CAMK1G: variants seen among roughly 807,000 people sequenced by gnomAD.
CAMK1G encodes calcium/calmodulin dependent protein kinase IG.
A neutral mutation model predicts 54.8 loss-of-function variants in CAMK1G; 27 were observed. The ratio of observed to expected loss-of-function variants is 0.49; its 90% CI spans 0.36 to 0.68. CAMK1G has a LOEUF of 0.68. Ranked by LOEUF, CAMK1G falls within the 30% of genes least tolerant of loss-of-function variation. CAMK1G has a pLI of 0.00. For synonymous variants in CAMK1G, 238 were observed against 224.9 expected, an observed-to-expected ratio of 1.06 and a Z score of -0.52; for missense variants, 512 against 591.0, an observed-to-expected ratio of 0.87 and a Z score of 1.39.
At chr1:209,590,907 T>C (rs765449373) in intron 1 of CAMK1G, among the ~76,000 whole-genome samples, 1 of 152,082 alleles carries the variant, frequency 6.6e-6, no homozygotes, top group Non-Finnish European at 1.5e-5. Context: ...TCTTTAAACC[T>C]GATAAGATTA....
intron 2 of CAMK1G, 53 bp downstream of exon 2, chr1:209,595,128 T>C: frequency 7.9e-7 from 1 of 1,271,360 alleles, no homozygotes; most frequent in Non-Finnish European, 1.1e-6. Context: ...CAGTGGGAGG[T>C]TAGAAGAGTT....
intron 1 of CAMK1G, among the ~76,000 whole-genome samples, chr1:209,588,349 G>T (rs1226499877): frequency 1.3e-5 from 2 of 149,430 alleles, no homozygotes; most frequent in Non-Finnish European, 3.0e-5. Context: ...TTAGAGTGGA[G>T]CGGAATGGAT....
At chr1:209,607,816 C>T (rs547509744) in intron 6 of CAMK1G, 42 bp from the exon 7 acceptor site, 33 of 1,577,966 alleles carry the variant, frequency 2.1e-5, no homozygotes, top group Non-Finnish European at 2.8e-5. Context: ...AAAGCCCTCT[C>T]CTCTTGCCAC....
chr1:209,611,782 G>A lies in CAMK1G; in HGVS notation c.916-10G>A, dbSNP rs746876613. ...GCAGAAGGCCAGAGGCTGCTCTTGT[G>A]TCTCCTTAGCAAGCCTTCAACGCAG... On this transcript the variant is annotated splice_polypyrimidine_tract_variant and intron_variant, in intron 10 of 12. Coordinates refer to ENST00000361322, the MANE Select transcript of CAMK1G (RefSeq NM_020439.3). The A allele has an allele frequency of 1.1e-4, 171 of 1,611,782 alleles. 1 individual carries two copies. In the South Asian group the frequency reaches 1.8e-3, roughly 17 times the overall value.
At chr1:209,592,775 C>T (rs912540076) in intron 1 of CAMK1G, among the ~76,000 whole-genome samples, 1 of 152,226 alleles carries the variant, frequency 6.6e-6, no homozygotes, top group Non-Finnish European at 1.5e-5. Context: ...ACCTCCTCTT[C>T]CCCTCTGCCA....
At chr1:209,592,691 C>A (rs1014263428) in intron 1 of CAMK1G, among the ~76,000 whole-genome samples, 37 of 152,226 alleles carry the variant, frequency 2.4e-4, no homozygotes, top group African/African-American at 7.7e-4. Context: ...AAGATCTGTG[C>A]TTTGGAAAAC....
chr1:209,602,795 C>T (rs922464583), intron 3 of CAMK1G, among the ~76,000 whole-genome samples: 2 of 152,194 alleles, frequency 1.3e-5, no homozygotes, highest in African/African-American at 4.8e-5. Flanking sequence ...CTTCTAGTCT[C>T]AAACATTTTA....
At chr1:209,608,083 A>G (rs1665695668) in intron 7 of CAMK1G, 150 bp downstream of exon 7, 3 of 602,744 alleles carry the variant, frequency 5.0e-6, no homozygotes, top group Non-Finnish European at 5.9e-6. Context: ...ACACACACAC[A>G]CACACACACA....
chr1:209,589,363 C>G (rs1665187279), intron 1 of CAMK1G, among the ~76,000 whole-genome samples: 1 of 152,184 alleles, frequency 6.6e-6, no homozygotes, highest in Admixed American at 6.5e-5. Context: ...GCAGATTTGG[C>G]CTTCTATGGC....
chr1:209,583,932 G>A (rs957662546), intron 1 of CAMK1G, 160 bp downstream of exon 1: 11 of 152,206 alleles, frequency 7.2e-5, no homozygotes, highest in African/African-American at 2.7e-4. Context: ...TGGCATCAAG[G>A]GTGAGTTATA....
chr1:209,596,973 T>C (rs1436265732), intron 2 of CAMK1G, among the ~76,000 whole-genome samples: 1 of 152,132 alleles, frequency 6.6e-6, no homozygotes, highest in Non-Finnish European at 1.5e-5. Flanking sequence ...TTCTAATGTA[T>C]CTAGCTCAGC....
At chr1:209,608,237 G>A (rs185387427) in intron 7 of CAMK1G, among the ~76,000 whole-genome samples, 2 of 152,280 alleles carry the variant, frequency 1.3e-5, no homozygotes, top group Admixed American at 1.3e-4. Context: ...CTATAAATGT[G>A]TTGCATCCCA....
intron 1 of CAMK1G, among the ~76,000 whole-genome samples, chr1:209,590,531 A>G (rs1257799817): frequency 6.6e-6 from 1 of 152,178 alleles, no homozygotes; most frequent in Non-Finnish European, 1.5e-5. Context: ...TTTTAAAGCT[A>G]TTTAAGAGAG....
chr1:209,584,280 G>C (rs982795902), intron 1 of CAMK1G, among the ~76,000 whole-genome samples: 1 of 152,122 alleles, frequency 6.6e-6, no homozygotes, highest in African/African-American at 2.4e-5. Context: ...AGAACCAATG[G>C]CAAAAAGATT....
chr1:209,609,590 A>G (rs1665731886), intron 8 of CAMK1G, among the ~76,000 whole-genome samples: 1 of 152,248 alleles, frequency 6.6e-6, no homozygotes, highest in Admixed American at 6.5e-5. Flanking sequence ...TGTGATGTGC[A>G]GGCACATGGG....
chr1:209,594,597 T>G (rs997641898), intron 1 of CAMK1G, among the ~76,000 whole-genome samples: 2 of 152,222 alleles, frequency 1.3e-5, no homozygotes, highest in African/African-American at 4.8e-5. Context: ...GCTGACTCTG[T>G]AGTCTGAGTA....
At chr1:209,612,480 G>A (rs973291300) in intron 11 of CAMK1G, among the ~76,000 whole-genome samples, 1 of 152,182 alleles carries the variant, frequency 6.6e-6, no homozygotes, top group African/African-American at 2.4e-5. Context: ...CAATTAGCCT[G>A]CCTCACAGAG....
At position 209,591,356 on chromosome 1, in the gene CAMK1G, AT is replaced by A. The variant is rs1350602543; in HGVS notation, c.-29-3593del. 6.8e-4 allele frequency among the ~76,000 whole-genome samples: 104 copies of A among 152,218 alleles called. 1 individual carries two copies. Among genetic ancestry groups the A allele is most frequent in the Admixed American group, 6.7e-3 (102 of 15,280 alleles). On this transcript the variant is annotated intron_variant, in intron 1 of 12. Coordinates refer to ENST00000361322, the MANE Select transcript of CAMK1G (RefSeq NM_020439.3). ...AATCATGAAGGAGTTTCTCACATGC[AT>A]TTTTTAATAATAAATAGCCACCAAT...
intron 2 of CAMK1G, among the ~76,000 whole-genome samples, chr1:209,596,547 T>G (rs1244376097): frequency 2.0e-5 from 3 of 152,072 alleles, no homozygotes; most frequent in Admixed American, 6.6e-5. Flanking sequence ...GTGAAAATGT[T>G]GAAACATAAG....
Sources: gnomAD v4.1 joint callset for allele counts (sites outside exome capture counted in the v4.1 genomes callset) on GRCh38, gnomAD v4.1.1 for gene constraint, MANE v1.5 for transcripts, NCBI Gene and HGNC (gene_info 2026-07-23, HGNC 2026-07-21) for gene names.